The following CTSD variants were observed in gnomAD, a reference collection of about 807,000 sequenced individuals.
The protein encoded by CTSD is ceroid-lipofuscinosis, neuronal 10.
In CTSD, 28 loss-of-function variants were observed where a neutral mutation model predicts 43.6. That is an observed-to-expected ratio of 0.64 (90% CI 0.48 to 0.88). CTSD has a LOEUF of 0.88. Ranked by LOEUF, CTSD falls within the 40% of genes least tolerant of loss-of-function variation. The probability of loss-of-function intolerance (pLI) is 0.00; values close to 1 mark genes in which losing one functional copy is unlikely to be tolerated. For synonymous variants in CTSD, 270 were observed against 249.8 expected (o/e 1.08, Z -0.76); for missense variants, 485 against 555.2 (o/e 0.87, Z 1.27).
rs764584849 is a variant in CTSD, at chr11:1,757,573, A to C, written c.472-17T>G. 1 of 1,595,278 alleles carries C rather than the reference A, an allele frequency of 6.3e-7. No individual in the cohort carries two copies. The highest frequency in any genetic ancestry group is 1.3e-5 in the African/African-American group (1 of 74,630). The stretch of plus-strand genomic sequence containing the variant: ...GCAGGGCACCTGCAGGCCAGGGCAG[A>C]GTCAGTGGGCAGCAGACAGGCTGAG... On this transcript the variant is annotated splice_polypyrimidine_tract_variant and intron_variant, in intron 4 of 8. Coordinates refer to ENST00000236671, the MANE Select transcript of CTSD (RefSeq NM_001909.5).
In CTSD at chr11:1,754,600, TGAGGGGATG is replaced by T. The variant is rs540280225; in HGVS notation, c.827+297_827+305del. ...AGGGTCATGAAGAGTCACAGAGGGA[TGAGGGGATG>T]GAGGGGATGGAGGGCATGGAGGGAT... On this transcript the variant is annotated intron_variant, in intron 6 of 8. Coordinates refer to ENST00000236671, the MANE Select transcript of CTSD (RefSeq NM_001909.5). Among the ~76,000 whole-genome samples the T allele has an allele frequency of 6.5e-4, 45 of 68,886 alleles. No homozygotes were observed. In the East Asian group the frequency reaches 0.01, roughly 16 times the overall value. 45.2% of individuals were successfully genotyped at this position (68,886 alleles called of 152,430 possible).
In CTSD at chr11:1,763,354, A is replaced by G. The variant is rs182659376; in HGVS notation, c.68+438T>C. Among the ~76,000 whole-genome samples, 635 of 152,334 alleles carry G rather than the reference A, an allele frequency of 4.2e-3. 25 individuals are homozygous for G. Among genetic ancestry groups the G allele is most frequent in the Admixed American group, 0.037 (570 of 15,306 alleles). On this transcript the variant is annotated intron_variant, in intron 1 of 8. Transcript: ENST00000236671. ...CAAACTTTTAAAGCCCCCAGTTCACAGGTGGTAAAGGGGTCCCTAAGGAAA... is the reference window on the plus strand; with the variant it reads ...CAAACTTTTAAAGCCCCCAGTTCACGGGTGGTAAAGGGGTCCCTAAGGAAA...
In CTSD at chr11:1,758,927, C is replaced by G. The variant is rs887024431; in HGVS notation, c.471+42G>C. The G allele has an allele frequency of 4.3e-6, 6 of 1,410,486 alleles. No individual in the cohort carries two copies. The African/African-American group carries it at 8.5e-5, about 20-fold the overall frequency. 87.4% of individuals were successfully genotyped at this position (1,410,486 alleles called of 1,614,324 possible). On this transcript the variant is annotated intron_variant, in intron 4 of 8. Transcript: ENST00000236671. Reference sequence around the variant, plus strand: ...ACCCACGGTGGGTGAACCCCACACCCTGGCACCCTCGAGTCCTGGGAAAGG... The same window carrying G: ...ACCCACGGTGGGTGAACCCCACACCGTGGCACCCTCGAGTCCTGGGAAAGG...
At chr11:1,763,751 G>A (rs1845912191) in intron 1 of CTSD, 41 bp downstream of exon 1, 3 of 1,502,178 alleles carry the variant, frequency 2.0e-6, no homozygotes, top group Non-Finnish European at 2.7e-6. Context: ...TCGGCGCCGC[G>A]ACCCCTGCCC....
chr11:1,754,772 C>T, intron 6 of CTSD, 134 bp downstream of exon 6: 2 of 1,136,186 alleles, frequency 1.8e-6, no homozygotes, highest in Non-Finnish European at 2.5e-6. Flanking sequence ...GCTGGTCTGA[C>T]CCCATCTCTT....
At position 1,754,145 on chromosome 11, in the gene CTSD, G is replaced by A. The variant is rs763652137; in HGVS notation, c.828-7C>T. On this transcript the variant is annotated splice_polypyrimidine_tract_variant and splice_region_variant and intron_variant, in intron 6 of 8. Transcript: ENST00000236671. Reference sequence around the variant, plus strand: ...CCCGCTGGCCACCTCCACCCTGCGGGGAGTCAGGGCGTGAAGCCCCTGCCG... The same window carrying A: ...CCCGCTGGCCACCTCCACCCTGCGGAGAGTCAGGGCGTGAAGCCCCTGCCG... The A allele has an allele frequency of 6.2e-7, 1 of 1,607,434 alleles. No homozygotes were observed. The highest frequency in any genetic ancestry group is 8.5e-7 in the Non-Finnish European group (1 of 1,179,392).
At chr11:1,757,684 A>G (rs1429898834) in intron 4 of CTSD, 128 bp from the exon 5 acceptor site, 1 of 807,530 alleles carries the variant, frequency 1.2e-6, no homozygotes, top group Middle Eastern at 3.3e-4. Flanking sequence ...GAGGGCCCAG[A>G]AGAAAGGGCT....
intron 6 of CTSD, chr11:1,754,369 G>GGGGATGGAGGGGCATGGA: frequency 1.7e-6 from 1 of 577,470 alleles, no homozygotes; most frequent in South Asian, 2.0e-5. Context: ...GAGGGATGGA[G>GGGGATGGAGGGGCATGGA]GGGATGGAGG....
chr11:1,760,977 G>A, intron 2 of CTSD: 1 of 392,768 alleles, frequency 2.5e-6, no homozygotes, highest in Non-Finnish European at 4.9e-6. Context: ...AGGCCTCCCA[G>A]CAGGACAGCA....
chr11:1,753,714 G>GC (rs752520670), intron 8 of CTSD, 44 bp from the exon 9 acceptor site: 105 of 1,607,872 alleles, frequency 6.5e-5, no homozygotes, highest in Non-Finnish European at 7.1e-5. Context: ...AGCACCACCC[G>GC]CCCCCCCACC....
Position 1,752,819 on chromosome 11 carries a change from G to T in CTSD, c.*684C>A, listed in dbSNP as rs1845742868. ...GCTGGGGCTCTCAGCCGCCCAAGGG[G>T]AGGACAACAGAGGTCAGCTGCAGAG... On this transcript the variant is annotated 3_prime_UTR_variant, in exon 9 of 9. Transcript: ENST00000236671. 6.4e-6 allele frequency: 1 copy of T among 156,098 alleles called. No individual in the cohort carries two copies. Among genetic ancestry groups the T allele is most frequent in the Non-Finnish European group, 1.4e-5 (1 of 70,598 alleles). 9.7% of individuals were successfully genotyped at this position (156,098 alleles called of 1,614,324 possible).
Position 1,759,531 on chromosome 11 carries a change from G to C in CTSD, c.337C>G (p.Leu113Val). Residue 113 changes from leucine to valine, a missense_variant, in exon 3 of 9, where the codon CTG (leucine) becomes GTG (valine). By Grantham distance (32) the Leu-to-Val change is conservative. Transcript: ENST00000236671. ...CGTGACTCACAGCAAGCGATGTCCA[G>C]CAGTTTGCAGTGGATGGAGGGGACC... ...LWVPSIHCKL[L>V]DIACWIHHKY... is the part of the protein sequence containing the mutation. The C allele has an allele frequency of 6.2e-7, 1 of 1,613,576 alleles. No homozygotes were observed. Among genetic ancestry groups the C allele is most frequent in the East Asian group, 2.2e-5 (1 of 44,894 alleles).
chr11:1,763,299 G>A (rs755337234), intron 1 of CTSD, among the ~76,000 whole-genome samples: 1 of 152,162 alleles, frequency 6.6e-6, no homozygotes, highest in African/African-American at 2.4e-5. Flanking sequence ...GGGTCTCCCA[G>A]CCCAGGGCCT....
chr11:1,763,673 G>T, intron 1 of CTSD, 119 bp downstream of exon 1: 1 of 1,003,528 alleles, frequency 1.0e-6, no homozygotes, highest in Non-Finnish European at 1.4e-6. Flanking sequence ...GTGCATTCCA[G>T]CGCGGGGGGC....
Position 1,754,900 on chromosome 11 carries a change from A to G in CTSD, c.827+6T>C, listed in dbSNP as rs781381343. 1 of 1,613,550 alleles carries G rather than the reference A, an allele frequency of 6.2e-7. No individual in the cohort carries two copies. On this transcript the variant is annotated splice_donor_region_variant and intron_variant, in intron 6 of 8. Transcript: ENST00000236671. ...CCCAGGGGAGCCGACTGCAGCCACT[A>G]CTCACTGGTCCAGGTGGACCTGCCA... is the stretch of plus-strand genomic sequence containing the variant.
rs139129789 is a variant in CTSD at position 1,757,773 on chromosome 11, C to T, written c.472-217G>A. ...CCTCTTCGTGGAAGTCATCAGGGCT[C>T]GGTTTACACGAGATGGGAACCAGGC... On this transcript the variant is annotated intron_variant, in intron 4 of 8. Coordinates refer to ENST00000236671, the MANE Select transcript of CTSD (RefSeq NM_001909.5). 1.4e-4 allele frequency among the ~76,000 whole-genome samples: 22 copies of T among 152,184 alleles called. 1 individual carries two copies. Among genetic ancestry groups the T allele is most frequent in the African/African-American group, 4.3e-4 (18 of 41,528 alleles).
chr11:1,754,041 G>A lies in CTSD; in HGVS notation c.925C>T (p.Arg309Cys), dbSNP rs1381606917. 26 of 1,610,110 alleles carry A rather than the reference G, an allele frequency of 1.6e-5. No individual in the cohort carries two copies. The highest frequency in any genetic ancestry group is 1.6e-4 in the Middle Eastern group (1 of 6,068). The change falls in exon 7 of 9, where the codon CGC becomes TGC. Residue 309 changes from arginine (R) to cysteine (C), a missense_variant. By Grantham distance (180) the Arg-to-Cys change is radical. Transcript: ENST00000236671. ...GCCCCGATGGCCTTCTGCAGCTCGC[G>A]CACCTCATCCACCGGGCCCACCATG... ...SLMVGPVDEV[R>C]ELQKAIGAVP...
Position 1,754,862 on chromosome 11 carries a change from C to T in CTSD, c.827+44G>A, listed in dbSNP as rs1845790514. The T allele has an allele frequency of 3.1e-6, 5 of 1,612,698 alleles. No individual in the cohort carries two copies. In the East Asian group the frequency reaches 1.1e-4, roughly 36 times the overall value. On this transcript the variant is annotated intron_variant, in intron 6 of 8. Transcript: ENST00000236671. ...TCCTCCAGGGTCTCCGCACACCGCC[C>T]CCGCCCACAGAACCCAGGGGAGCCG...
intron 2 of CTSD, chr11:1,760,358 G>A (rs921814921): frequency 6.6e-6 from 1 of 152,296 alleles, no homozygotes; most frequent in Non-Finnish European, 1.5e-5. Flanking sequence ...GAGAGTAAGA[G>A]GGTCCTGGAG....
Sources: allele counts gnomAD v4.1 joint callset (sites outside exome capture counted in the v4.1 genomes callset), GRCh38; gene constraint gnomAD v4.1.1; transcripts MANE v1.5; gene names NCBI Gene and HGNC (gene_info 2026-07-23, HGNC 2026-07-21).